Variants in VEZF1 observed in about 807,000 individuals in gnomAD.
VEZF1 encodes putative transcription factor DB1.
VEZF1 carries 5 observed loss-of-function variants against 44.1 expected under a neutral mutation model. The ratio of observed to expected loss-of-function variants is 0.11; its 90% confidence interval spans 0.06 to 0.24. The LOEUF is 0.24. Ranked by LOEUF, VEZF1 falls within the 10% of genes least tolerant of loss-of-function variation. The pLI, the probability that VEZF1 is intolerant of heterozygous loss-of-function variation, is 1.00. For missense variants in VEZF1, 358 were observed against 641.8 expected (o/e 0.56, Z 4.78); for synonymous variants, 236 against 233.1 (o/e 1.01, Z -0.11).
chr17:57,984,321 A>T (rs1598049688), intron 1 of VEZF1, among the ~76,000 whole-genome samples: 1 of 152,178 alleles, frequency 6.6e-6, no homozygotes, highest in Non-Finnish European at 1.5e-5. Flanking sequence ...AAATTTCACC[A>T]TGGATCAGGT....
chr17:57,979,311 A>G lies in VEZF1; in HGVS notation c.979T>C (p.Cys327Arg). The G allele has an allele frequency of 1.2e-6, 2 of 1,613,546 alleles. No homozygotes were observed. The highest frequency in any genetic ancestry group is 1.7e-6 in the Non-Finnish European group (2 of 1,179,928). Residue 327 changes from cysteine to arginine, a missense_variant and splice_region_variant, in exon 5 of 6, where the codon TGC (cysteine) becomes CGC (arginine). By Grantham distance (180) the Cys-to-Arg change is radical. Transcript: ENST00000581208. ...NTCKQGISKTCMSEETSNQKQ... is the reference protein window; with the variant it reads ...NTCKQGISKTRMSEETSNQKQ... Reference sequence around the variant, plus strand: ...TGGTTACTGGTCTCTTCACTCATGCATGCTATTACAAAGACAAACCAAAAA... The same window carrying G: ...TGGTTACTGGTCTCTTCACTCATGCGTGCTATTACAAAGACAAACCAAAAA...
At position 57,988,138 on chromosome 17, in the gene VEZF1, C is replaced by A; in HGVS notation, c.-27G>T. The stretch of plus-strand genomic sequence containing the variant: ...GCTGCGGCGGCCGACCCCCCTCCTC[C>A]CCACTCCCCCCGCTCGGGGAGCCTC... On this transcript the variant is annotated 5_prime_UTR_variant, in exon 1 of 6. Transcript: ENST00000581208. The A allele has an allele frequency of 1.3e-6, 1 of 750,714 alleles. No individual in the cohort carries two copies. Among genetic ancestry groups the A allele is most frequent in the Non-Finnish European group, 1.7e-6 (1 of 578,106 alleles). The allele number at this position is 750,714 out of a possible 1,614,324, so 46.5% of individuals were successfully genotyped here. A position where few individuals can be genotyped will look rare whatever the true frequency, so the allele number is the denominator to read the frequency against.
Position 57,974,377 on chromosome 17 carries a change from T to G in VEZF1, c.*96A>C, listed in dbSNP as rs2075167331. ...TCTTATTAACTAATGTAATAAAATC[T>G]CCCAATTTCATGGTTTACTTTTTGC... On this transcript the variant is annotated 3_prime_UTR_variant, in exon 6 of 6. Coordinates refer to ENST00000581208, the MANE Select transcript of VEZF1 (RefSeq NM_007146.3). 1 of 1,353,736 alleles carries G rather than the reference T, an allele frequency of 7.4e-7. No individual in the cohort carries two copies. The highest frequency in any genetic ancestry group is 1.5e-5 in the African/African-American group (1 of 67,638). The allele number at this position is 1,353,736 out of a possible 1,614,324, so 83.9% of individuals were successfully genotyped here.
rs1303196457 is a variant in VEZF1, at chr17:57,972,720, T to C, written c.*1753A>G. 1 of 152,548 alleles carries C rather than the reference T, an allele frequency of 6.6e-6. No homozygotes were observed. Among genetic ancestry groups the C allele is most frequent in the African/African-American group, 2.4e-5 (1 of 41,466 alleles). The allele number at this position is 152,548 out of a possible 1,614,324, so 9.4% of individuals were successfully genotyped here. A position where few individuals can be genotyped will look rare whatever the true frequency, so the allele number is the denominator to read the frequency against. ...AACAGAAAGTTCCTAAGCTTTTATA[T>C]ATACAAAAGTTGTACAATTTAATGT... On this transcript the variant is annotated 3_prime_UTR_variant, in exon 6 of 6. Transcript: ENST00000581208.
At chr17:57,983,441 C>T in intron 1 of VEZF1, 48 bp from the exon 2 acceptor site, 1 of 1,496,498 alleles carries the variant, frequency 6.7e-7, no homozygotes, top group Non-Finnish European at 9.0e-7. Context: ...TCACAATGGC[C>T]TTCGAAATTC....
At chr17:57,978,518 G>T (rs1262538884) in intron 5 of VEZF1, among the ~76,000 whole-genome samples, 1 of 152,112 alleles carries the variant, frequency 6.6e-6, no homozygotes, top group African/African-American at 2.4e-5. Flanking sequence ...CAACTGATTC[G>T]TTAGAAAATA....
intron 4 of VEZF1, 108 bp from the exon 5 acceptor site, chr17:57,979,421 A>T: frequency 6.7e-7 from 1 of 1,496,724 alleles, no homozygotes; most frequent in Non-Finnish European, 8.9e-7. Flanking sequence ...TTAACCTGAT[A>T]GCTCTTAGTA....
At chr17:57,985,543 G>T in intron 1 of VEZF1, 1 of 749,080 alleles carries the variant, frequency 1.3e-6, no homozygotes, top group Non-Finnish European at 1.6e-6. Context: ...ATAACTTCTG[G>T]GTAGGCTTTT....
chr17:57,988,090 A>G lies in VEZF1; in HGVS notation c.22T>C (p.Phe8Leu). 2 of 711,418 alleles carry G rather than the reference A, an allele frequency of 2.8e-6. No homozygotes were observed. Among genetic ancestry groups the G allele is most frequent in the Non-Finnish European group, 3.7e-6 (2 of 542,086 alleles). 44.1% of individuals were successfully genotyped at this position (711,418 alleles called of 1,614,324 possible). The stretch of plus-strand genomic sequence containing the variant: ...GGGGCCCCCAGTACCTGGAACAGGA[A>G]CGCGGTCCAGTTGGCCTCCATGGCT... MEANWTA[F>L]LFQAHEASHH... The change falls in exon 1 of 6, where the codon TTC (phenylalanine) becomes CTC (leucine). Residue 8 changes from phenylalanine (F) to leucine (L), a missense_variant. By Grantham distance (22) the Phe-to-Leu change is conservative (BLOSUM62 0). Around this residue, in one of 4 missense-constraint regions of VEZF1, gnomAD observed 22 missense variants for 17.3 expected, o/e 1.27. Transcript: ENST00000581208.
At position 57,988,224 on chromosome 17, in the gene VEZF1, T is replaced by G. The variant is rs1209783781; in HGVS notation, c.-113A>C. The G allele has an allele frequency of 5.0e-6, 1 of 199,818 alleles. No individual in the cohort carries two copies. The highest frequency in any genetic ancestry group is 9.8e-6 in the Non-Finnish European group (1 of 102,368). 12.4% of individuals were successfully genotyped at this position (199,818 alleles called of 1,614,324 possible). Reference sequence around the variant, plus strand: ...CGGCGGCGGCAACGGCAGCGGCGGCTCCTCAACATGGCAGCGCCGAGCGCG... The same window carrying G: ...CGGCGGCGGCAACGGCAGCGGCGGCGCCTCAACATGGCAGCGCCGAGCGCG... On this transcript the variant is annotated 5_prime_UTR_variant, in exon 1 of 6. Transcript: ENST00000581208.
At chr17:57,981,638 CAAAG>C (rs921280603) in intron 3 of VEZF1, among the ~76,000 whole-genome samples, 4 of 151,356 alleles carry the variant, frequency 2.6e-5, no homozygotes, top group African/African-American at 7.3e-5. Context: ...TACTATTGCC[CAAAG>C]AAAGGGAAAT....
Position 57,988,128 on chromosome 17 carries a change from C to A in VEZF1, c.-17G>T. On this transcript the variant is annotated 5_prime_UTR_variant, in exon 1 of 6. Transcript: ENST00000581208. ...GGCCTCCATGGCTGCGGCGGCCGACCCCCCTCCTCCCCACTCCCCCCGCTC... is the reference window on the plus strand; with the variant it reads ...GGCCTCCATGGCTGCGGCGGCCGACACCCCTCCTCCCCACTCCCCCCGCTC... The A allele has an allele frequency of 1.3e-6, 1 of 793,018 alleles. No homozygotes were observed. Among genetic ancestry groups the A allele is most frequent in the Non-Finnish European group, 1.6e-6 (1 of 615,862 alleles). 49.1% of individuals were successfully genotyped at this position (793,018 alleles called of 1,614,324 possible).
chr17:57,979,036 C>T, intron 5 of VEZF1, 116 bp downstream of exon 5: 1 of 1,341,798 alleles, frequency 7.5e-7, no homozygotes, highest in Non-Finnish European at 1.0e-6. Context: ...GCACTATTTC[C>T]ATGTTTCCAT....
At chr17:57,982,045 A>C in intron 2 of VEZF1, 109 bp from the exon 3 acceptor site, 1 of 1,183,546 alleles carries the variant, frequency 8.4e-7, no homozygotes, top group South Asian at 1.3e-5. Flanking sequence ...TTTTAGGGAA[A>C]GCTAGCAGAA....
intron 5 of VEZF1, among the ~76,000 whole-genome samples, chr17:57,975,239 C>T (rs2075178480): frequency 6.6e-6 from 1 of 152,238 alleles, no homozygotes; most frequent in East Asian, 1.9e-4. Flanking sequence ...TAAGTGTTCT[C>T]ACTACTACTT....
At chr17:57,985,021 G>C (rs1277070805) in intron 1 of VEZF1, among the ~76,000 whole-genome samples, 2 of 152,204 alleles carry the variant, frequency 1.3e-5, no homozygotes, top group Non-Finnish European at 2.9e-5. Flanking sequence ...AAACTTTACA[G>C]AATTTGGACT....
intron 2 of VEZF1, among the ~76,000 whole-genome samples, 194 bp downstream of exon 2, chr17:57,982,505 A>G (rs1318325197): frequency 6.6e-6 from 1 of 152,146 alleles, no homozygotes; most frequent in Non-Finnish European, 1.5e-5. Flanking sequence ...GTTAATCACT[A>G]TGTCACCACT....
Position 57,982,856 on chromosome 17 carries a change from G to T in VEZF1, c.571C>A (p.Arg191=). 6.2e-7 allele frequency: 1 copy of T among 1,614,096 alleles called. No homozygotes were observed. Among genetic ancestry groups the T allele is most frequent in the Non-Finnish European group, 8.5e-7 (1 of 1,180,032 alleles). ...KAFRDVYHLN[R]HKLSHSDEKP... is the part of the protein sequence containing the mutation. ...TCATCTGAATGGGAGAGCTTGTGTC[G>T]ATTGAGATGGTACACATCTCGGAAG... The change falls in exon 2 of 6, where the codon CGA becomes AGA. Residue 191 remains arginine (R), a synonymous_variant. Transcript: ENST00000581208.
chr17:57,984,820 G>A (rs1403813728), intron 1 of VEZF1, among the ~76,000 whole-genome samples: 2 of 152,212 alleles, frequency 1.3e-5, no homozygotes, highest in Non-Finnish European at 2.9e-5. Flanking sequence ...GGTATCCAGA[G>A]TTCTCAGTTT....
Sources: gnomAD v4.1 joint callset for allele counts (sites outside exome capture counted in the v4.1 genomes callset) on GRCh38, gnomAD v4.1.1 for gene constraint, gnomAD v4.1.1 regional missense constraint, MANE v1.5 for transcripts, NCBI Gene and HGNC (gene_info 2026-07-23, HGNC 2026-07-21) for gene names.